The following CGNL1 variants were observed in gnomAD, a reference collection of about 807,000 sequenced individuals.
CGNL1 encodes cingulin like 1, also known as cingulin-like protein 1.
Under a neutral mutation model 141.2 loss-of-function variants are expected in CGNL1, and 132 were observed. The ratio of observed to expected loss-of-function variants is 0.93; its 90% confidence interval spans 0.81 to 1.08. CGNL1 has a LOEUF of 1.08. Among genes scored for constraint, CGNL1 ranks in the 50% least tolerant of loss-of-function variants. The pLI, the probability that CGNL1 is intolerant of heterozygous loss-of-function variation, is 0.00. For synonymous variants in CGNL1, 690 were observed against 622.1 expected (o/e 1.11, Z -1.63); for missense variants, 1,870 against 1,588.6 (o/e 1.18, Z -3.01).
rs937248 is a variant in CGNL1 at position 57,548,571 on chromosome 15, G to A, written c.*1081G>A. 27,648 of 152,142 alleles carry A rather than the reference G, an allele frequency of 0.18. 2,594 individuals carry two copies. Among genetic ancestry groups the A allele is most frequent in the Admixed American group, 0.21 (3,237 of 15,278 alleles). 9.4% of individuals were successfully genotyped at this position (152,142 alleles called of 1,614,324 possible). The stretch of plus-strand genomic sequence containing the variant: ...ATGGCCTTGTTTGCTTAGTTTATCT[G>A]GAATTCTGTTATAATTTCTGAACTG... On this transcript the variant is annotated 3_prime_UTR_variant, in exon 19 of 19. Coordinates refer to ENST00000281282, the MANE Select transcript of CGNL1 (RefSeq NM_032866.5).
At chr15:57,465,506 C>T (rs1192657476) in intron 8 of CGNL1, among the ~76,000 whole-genome samples, 1 of 150,856 alleles carries the variant, frequency 6.6e-6, no homozygotes, top group Non-Finnish European at 1.5e-5. Flanking sequence ...TTCTCCTGCC[C>T]CAGCTTCCTG....
intron 8 of CGNL1, among the ~76,000 whole-genome samples, chr15:57,510,857 G>A (rs2030230475): frequency 6.6e-6 from 1 of 152,146 alleles, no homozygotes; most frequent in Non-Finnish European, 1.5e-5. Flanking sequence ...GCTTAACTAT[G>A]TAAACTGGCG....
intron 4 of CGNL1, among the ~76,000 whole-genome samples, chr15:57,444,083 T>G (rs2063223089): frequency 6.6e-6 from 1 of 152,224 alleles, no homozygotes; most frequent in Non-Finnish European, 1.5e-5. Context: ...CACCCAGGTT[T>G]CCTGGGTTTC....
At chr15:57,452,066 G>A in intron 5 of CGNL1, 75 bp from the exon 6 acceptor site, 1 of 1,334,022 alleles carries the variant, frequency 7.5e-7, no homozygotes, top group Non-Finnish European at 1.0e-6. Context: ...GAGTCTGCTT[G>A]TTGAGAAGTA....
At chr15:57,421,539 T>C (rs2062914886) in intron 1 of CGNL1, among the ~76,000 whole-genome samples, 1 of 152,166 alleles carries the variant, frequency 6.6e-6, no homozygotes. Context: ...AAGACACTTT[T>C]GGCTAAAACA....
chr15:57,431,598 G>T (rs1222765014), intron 1 of CGNL1, among the ~76,000 whole-genome samples: 1 of 152,200 alleles, frequency 6.6e-6, no homozygotes, highest in South Asian at 2.1e-4. Flanking sequence ...CATCCTTTAG[G>T]AGTAAATGTG....
At chr15:57,459,576 C>T (rs1179976154) in intron 7 of CGNL1, among the ~76,000 whole-genome samples, 2 of 152,064 alleles carry the variant, frequency 1.3e-5, no homozygotes, top group African/African-American at 2.4e-5. Context: ...GAAGATGCTG[C>T]GTGGATTGCC....
chr15:57,456,177 G>A (rs1265844782), intron 7 of CGNL1, among the ~76,000 whole-genome samples: 3 of 152,098 alleles, frequency 2.0e-5, no homozygotes, highest in Non-Finnish European at 2.9e-5. Flanking sequence ...AATAAAAAGT[G>A]GCCTGGGGGA....
Position 57,523,543 on chromosome 15 carries a change from G to A in CGNL1, c.2770G>A (p.Glu924Lys), listed in dbSNP as rs555800097. 7 of 1,614,216 alleles carry A rather than the reference G, an allele frequency of 4.3e-6. No individual in the cohort carries two copies. The highest frequency in any genetic ancestry group is 5.1e-6 in the Non-Finnish European group (6 of 1,180,024). ...EQKQLSEKLKEESEQKEQLRR... is the reference protein window; with the variant it reads ...EQKQLSEKLKKESEQKEQLRR... ...GAAGCAGTTGTCTGAGAAGCTCAAA[G>A]AGGAGAGTGAGCAGAAGGAGCAGCT... The change falls in exon 11 of 19, where the codon GAG (glutamate) becomes AAG (lysine). Residue 924 changes from glutamate to lysine, a missense_variant. By Grantham distance (56) the Glu-to-Lys change is moderately conservative. Coordinates refer to ENST00000281282, the MANE Select transcript of CGNL1 (RefSeq NM_032866.5).
intron 1 of CGNL1, among the ~76,000 whole-genome samples, chr15:57,406,338 G>A (rs1312099204): frequency 1.3e-5 from 2 of 152,122 alleles, no homozygotes; most frequent in African/African-American, 4.8e-5. Context: ...TGTGTTCTGG[G>A]AACAGCAAGG....
chr15:57,383,448 G>A (rs555732868), intron 1 of CGNL1, among the ~76,000 whole-genome samples: 12 of 151,802 alleles, frequency 7.9e-5, no homozygotes, highest in African/African-American at 2.7e-4. Flanking sequence ...ACAGGCACGT[G>A]CCACGACGCC....
intron 1 of CGNL1, among the ~76,000 whole-genome samples, chr15:57,411,175 G>A (rs562719505): frequency 6.6e-6 from 1 of 152,320 alleles, no homozygotes; most frequent in East Asian, 1.9e-4. Flanking sequence ...TTTCTGACAT[G>A]AGCCGGTCTC....
At position 57,440,404 on chromosome 15, in the gene CGNL1, C is replaced by T. The variant is rs867359384; in HGVS notation, c.1630C>T (p.Gln544Ter). 1.9e-6 allele frequency: 3 copies of T among 1,602,570 alleles called. No homozygotes were observed. Among genetic ancestry groups the T allele is most frequent in the African/African-American group, 1.3e-5 (1 of 74,946 alleles). Residue 544 changes from glutamine to a stop codon, truncating the protein, a stop_gained, in exon 3 of 19, where the codon CAA (glutamine) becomes TAA (stop). Coordinates refer to ENST00000281282, the MANE Select transcript of CGNL1 (RefSeq NM_032866.5). LOFTEE classifies it high-confidence loss of function. ...QATPDLLKGQQELTQQTNEET... is the reference protein window; with the variant it reads ...QATPDLLKGQ ...CACACCGGATCTCTTAAAGGGCCAG[C>T]AAGAGCTCACTCAGCAAACCAATGA...
intron 16 of CGNL1, among the ~76,000 whole-genome samples, chr15:57,545,093 T>C (rs1802404114): frequency 6.6e-6 from 1 of 152,200 alleles, no homozygotes. Flanking sequence ...CTCAGTTCTC[T>C]GCAGCTAACT....
intron 8 of CGNL1, among the ~76,000 whole-genome samples, chr15:57,476,236 G>A (rs2063655997): frequency 6.6e-6 from 1 of 152,140 alleles, no homozygotes; most frequent in Non-Finnish European, 1.5e-5. Flanking sequence ...TCCTAAGAGG[G>A]AGTGAGGCTT....
intron 1 of CGNL1, among the ~76,000 whole-genome samples, chr15:57,377,354 T>C (rs2062376093): frequency 1.3e-5 from 2 of 151,860 alleles, no homozygotes; most frequent in South Asian, 4.2e-4. Context: ...ATCTGGAGAG[T>C]TTTAAAAAAT....
chr15:57,469,185 G>C (rs565606111), intron 8 of CGNL1, among the ~76,000 whole-genome samples: 39 of 152,144 alleles, frequency 2.6e-4, no homozygotes, highest in Non-Finnish European at 5.3e-4. Flanking sequence ...TGACTGAGGA[G>C]ACCCCGCAGG....
chr15:57,444,858 G>A (rs1288801900), intron 4 of CGNL1, among the ~76,000 whole-genome samples: 3 of 152,182 alleles, frequency 2.0e-5, no homozygotes, highest in Admixed American at 2.0e-4. Context: ...AAGGGGATGG[G>A]TTACCATTGT....
intron 4 of CGNL1, among the ~76,000 whole-genome samples, chr15:57,451,206 T>A (rs547104912): frequency 2.0e-5 from 3 of 152,336 alleles, no homozygotes; most frequent in African/African-American, 7.2e-5. Context: ...AAATATGCCA[T>A]GTATGCAAGT....
Sources: gnomAD v4.1 joint callset for allele counts (sites outside exome capture counted in the v4.1 genomes callset) on GRCh38, gnomAD v4.1.1 for gene constraint, MANE v1.5 for transcripts, NCBI Gene and HGNC (gene_info 2026-07-23, HGNC 2026-07-21) for gene names.